CACNB2: variants seen among roughly 807,000 people sequenced by gnomAD.
The protein encoded by CACNB2 is calcium voltage-gated channel auxiliary subunit beta 2.
Under a neutral mutation model 73.3 loss-of-function variants are expected in CACNB2, and 42 were observed. That is an observed-to-expected ratio of 0.57 (90% confidence interval 0.45 to 0.74). CACNB2 has a LOEUF of 0.74. CACNB2 is among the 30% of genes least tolerant of loss of function. CACNB2 has a pLI of 0.00. For missense variants in CACNB2, 940 were observed against 853.0 expected (o/e 1.10, Z -1.27); for synonymous variants, 348 against 310.3 (o/e 1.12, Z -1.28).
intron 3 of CACNB2, among the ~76,000 whole-genome samples, chr10:18,456,035 A>G (rs2047260939): frequency 6.6e-6 from 1 of 152,176 alleles, no homozygotes; most frequent in Non-Finnish European, 1.5e-5. Flanking sequence ...AGACATCTAC[A>G]TGCTTGCCTT....
intron 6 of CACNB2, among the ~76,000 whole-genome samples, chr10:18,512,120 A>G (rs1318484846): frequency 3.3e-5 from 5 of 152,216 alleles, no homozygotes; most frequent in Non-Finnish European, 7.3e-5. Flanking sequence ...TTTAAGTACT[A>G]TATTTTCAGG....
chr10:18,499,257 G>T (rs959121182), intron 4 of CACNB2, among the ~76,000 whole-genome samples: 7 of 152,158 alleles, frequency 4.6e-5, no homozygotes, highest in Non-Finnish European at 8.8e-5. Context: ...GTCATAGGAA[G>T]TATGTGTAAA....
chr10:18,259,857 C>T (rs990396634), intron 2 of CACNB2, among the ~76,000 whole-genome samples: 19 of 152,072 alleles, frequency 1.2e-4, no homozygotes, highest in South Asian at 2.1e-4. Flanking sequence ...CTGCAGTGAG[C>T]CATGATTGCA....
intron 2 of CACNB2, among the ~76,000 whole-genome samples, chr10:18,315,499 T>TAAAAAAAAA (rs756721525): frequency 2.5e-4 from 10 of 39,518 alleles, no homozygotes; most frequent in African/African-American, 7.9e-4. Flanking sequence ...TGTCTCTATT[T>TAAAAAAAAA]AAAAAAAAAA....
chr10:18,248,474 A>C (rs780685653), intron 2 of CACNB2, among the ~76,000 whole-genome samples: 31 of 149,584 alleles, frequency 2.1e-4, no homozygotes, highest in African/African-American at 7.3e-4. Flanking sequence ...AAATTTGAGA[A>C]GAACTTTTTC....
At chr10:18,321,169 A>G (rs1239045120) in intron 2 of CACNB2, among the ~76,000 whole-genome samples, 2 of 152,226 alleles carry the variant, frequency 1.3e-5, no homozygotes, top group African/African-American at 2.4e-5. Flanking sequence ...CCTGCAGGCC[A>G]TGAGACATTT....
At chr10:18,324,153 A>G (rs920152565) in intron 2 of CACNB2, among the ~76,000 whole-genome samples, 8 of 152,232 alleles carry the variant, frequency 5.3e-5, no homozygotes, top group African/African-American at 1.9e-4. Flanking sequence ...ATTAGGTACC[A>G]TCTATGTGTT....
rs78725566 is a variant in CACNB2 at position 18,337,910 on chromosome 10, C to T, written c.214-64014C>T. On this transcript the variant is annotated intron_variant, in intron 2 of 13. Coordinates refer to ENST00000324631, the MANE Select transcript of CACNB2 (RefSeq NM_201596.3). The stretch of plus-strand genomic sequence containing the variant: ...ATGAAACTGGATCGTTATCTTATAC[C>T]ATGAACAAAATCAACTCAAAGTGGA... 4.4e-3 allele frequency among the ~76,000 whole-genome samples: 671 copies of T among 152,154 alleles called. 6 individuals are homozygous for T. The highest frequency in any genetic ancestry group is 6.8e-3 in the Middle Eastern group (2 of 294).
chr10:18,531,262 T>C (rs2052999605), intron 10 of CACNB2, among the ~76,000 whole-genome samples: 1 of 152,146 alleles, frequency 6.6e-6, no homozygotes. Context: ...GTTTTTTGTT[T>C]TTTAACTTTT....
intron 2 of CACNB2, chr10:18,400,865 A>G: frequency 6.6e-7 from 1 of 1,505,132 alleles, no homozygotes; most frequent in Non-Finnish European, 8.8e-7. Flanking sequence ...CCTGGATGGG[A>G]GTCCTCTGGG....
intron 2 of CACNB2, among the ~76,000 whole-genome samples, chr10:18,237,600 C>G (rs1318675636): frequency 6.6e-6 from 1 of 152,198 alleles, no homozygotes; most frequent in African/African-American, 2.4e-5. Flanking sequence ...TGCTTTCAGC[C>G]ACCTATCCTA....
At chr10:18,530,513 CAAA>C (rs5783609) in intron 10 of CACNB2, among the ~76,000 whole-genome samples, 8 of 129,320 alleles carry the variant, frequency 6.2e-5, no homozygotes, top group Non-Finnish European at 4.9e-5. Flanking sequence ...TACAAAAATG[CAAA>C]AAAAAAAAAA....
At chr10:18,452,926 C>G (rs2047083840) in intron 3 of CACNB2, among the ~76,000 whole-genome samples, 1 of 152,148 alleles carries the variant, frequency 6.6e-6, no homozygotes, top group Admixed American at 6.6e-5. Context: ...GTTGAAGAGG[C>G]CAACACAAAC....
intron 2 of CACNB2, among the ~76,000 whole-genome samples, chr10:18,293,554 C>T (rs930353292): frequency 2.0e-5 from 3 of 152,220 alleles, no homozygotes; most frequent in Non-Finnish European, 1.5e-5. Context: ...AGCTCAGACT[C>T]TACCCTTGGG....
chr10:18,315,499 TAAAAAAAAAAAA>T (rs756721525), intron 2 of CACNB2, among the ~76,000 whole-genome samples: 17 of 39,520 alleles, frequency 4.3e-4, no homozygotes, highest in South Asian at 1.8e-3. Flanking sequence ...TGTCTCTATT[TAAAAAAAAAAAA>T]AAAAAAAAAA....
intron 2 of CACNB2, among the ~76,000 whole-genome samples, chr10:18,237,455 G>A (rs1251103796): frequency 6.6e-6 from 1 of 152,116 alleles, no homozygotes; most frequent in Non-Finnish European, 1.5e-5. Flanking sequence ...GAATGTCAAG[G>A]ACTGCTGGCA....
Position 18,240,166 on chromosome 10 carries a change from G to T in CACNB2, c.213+89191G>T, listed in dbSNP as rs376679291. Among the ~76,000 whole-genome samples, 11 of 152,274 alleles carry T rather than the reference G, an allele frequency of 7.2e-5. No homozygotes were observed. The South Asian group carries it at 1.4e-3, about 20-fold the overall frequency. Reference sequence around the variant, plus strand: ...GCATAACAAAAACTATGAGTATTCTGTTGACATTAGAGAAATGCCTAAAAA... The same window carrying T: ...GCATAACAAAAACTATGAGTATTCTTTTGACATTAGAGAAATGCCTAAAAA... On this transcript the variant is annotated intron_variant, in intron 2 of 13. Transcript: ENST00000324631.
At chr10:18,396,482 G>A (rs1297933408) in intron 2 of CACNB2, among the ~76,000 whole-genome samples, 1 of 152,042 alleles carries the variant, frequency 6.6e-6, no homozygotes, top group Non-Finnish European at 1.5e-5. Flanking sequence ...TTTGATTGAT[G>A]ATTGATTGAG....
intron 2 of CACNB2, among the ~76,000 whole-genome samples, chr10:18,267,395 C>T (rs563242584): frequency 2.0e-5 from 3 of 152,222 alleles, no homozygotes; most frequent in African/African-American, 7.2e-5. Flanking sequence ...CACTTGAGGT[C>T]GGGATTTCAA....
Sources: allele counts gnomAD v4.1 joint callset (sites outside exome capture counted in the v4.1 genomes callset), GRCh38; gene constraint gnomAD v4.1.1; transcripts MANE v1.5; gene names NCBI Gene and HGNC (gene_info 2026-07-23, HGNC 2026-07-21).